CELSR3: variants seen among roughly 807,000 people sequenced by gnomAD.
CELSR3 encodes the protein cadherin EGF LAG seven-pass G-type receptor 3.
CELSR3 carries 73 observed loss-of-function variants against 270.0 expected under a neutral mutation model. That is an observed-to-expected ratio of 0.27 (90% CI 0.22 to 0.33). The LOEUF is 0.33. Among genes scored for constraint, CELSR3 ranks in the 10% least tolerant of loss-of-function variants. CELSR3 has a pLI of 1.00. For synonymous variants in CELSR3, 1,780 were observed against 1,905.4 expected (o/e 0.93, Z 1.71); for missense variants, 3,614 against 4,533.8 (o/e 0.80, Z 5.83).
chr3:48,662,231 C>T lies in CELSR3; in HGVS notation c.404G>A (p.Trp135Ter). The change falls in exon 1 of 35, where the codon TGG (tryptophan) becomes TAG (stop). Residue 135 changes from tryptophan to a stop codon, truncating the protein, a stop_gained. Transcript: ENST00000164024. LOFTEE classifies it high-confidence loss of function. This position sits in a 1 kb window ranked among gnomAD's most constrained non-coding sequence, Gnocchi z 7.1. ...CCCGCAAGAGGAGACCTCTGGGCGCCAGTATAACACAGACCCTGGTCCCTG... is the reference window on the plus strand; with the variant it reads ...CCCGCAAGAGGAGACCTCTGGGCGCTAGTATAACACAGACCCTGGTCCCTG... ...TGQGPGSVLY[W>*]RPEVSSCGRT... The T allele has an allele frequency of 1.2e-6, 2 of 1,613,154 alleles. No individual in the cohort carries two copies. Among genetic ancestry groups the T allele is most frequent in the Non-Finnish European group, 1.7e-6 (2 of 1,179,994 alleles).
In CELSR3 at chr3:48,660,932, G is replaced by C. The variant is rs1184585163; in HGVS notation, c.1703C>G (p.Thr568Arg). The change falls in exon 1 of 35, where the codon ACG becomes AGG. Residue 568 changes from threonine to arginine, a missense_variant. Transcript: ENST00000164024. This position sits in a 1 kb window ranked among gnomAD's most constrained non-coding sequence, Gnocchi z 5.5. ...VRPHTVVLRV[T>R]ATDRDKDANG... ...GGCGTCCTTGTCCCGGTCAGTGGCC[G>C]TGACGCGCAGCACGACTGTGTGGGG... The C allele has an allele frequency of 6.2e-7, 1 of 1,613,784 alleles. No individual in the cohort carries two copies. Among genetic ancestry groups the C allele is most frequent in the African/African-American group, 1.3e-5 (1 of 74,956 alleles).
Position 48,640,487 on chromosome 3 carries a change from C to A in CELSR3, c.9098G>T (p.Arg3033Leu), listed in dbSNP as rs201004738. The A allele has an allele frequency of 1.2e-6, 2 of 1,611,818 alleles. No individual in the cohort carries two copies. Among genetic ancestry groups the A allele is most frequent in the Non-Finnish European group, 1.7e-6 (2 of 1,179,748 alleles). ...TRGAPELSWC[R>L]AATLGHRAVP... is the part of the protein sequence containing the mutation. ...AGCACGGTGGCCCAAGGTGGCTGCA[C>A]GGCACCAGGACAGCTCAGGGGCACC... The change falls in exon 34 of 35, where the codon CGT becomes CTT. Residue 3033 changes from arginine (R) to leucine (L), a missense_variant. Around this residue, in one of 7 missense-constraint regions of CELSR3, gnomAD observed 1,240 missense variants for 1,351.7 expected, o/e 0.92. Transcript: ENST00000164024. This position sits in a 1 kb window ranked among gnomAD's most constrained non-coding sequence, Gnocchi z 7.5.
rs769742462 is a variant in CELSR3, at chr3:48,647,957, C to T, written c.7013G>A (p.Arg2338Gln). Residue 2338 changes from arginine (R) to glutamine (Q), a missense_variant, in exon 20 of 35, where the codon CGG becomes CAG. Physicochemically the swap from Arg to Gln is conservative, Grantham distance 43. This residue lies in a region of CELSR3 where 1,240 missense variants were observed against 1,351.7 expected (regional missense o/e 0.92). Coordinates refer to ENST00000164024, the MANE Select transcript of CELSR3 (RefSeq NM_001407.3). ...GTAGCGAGGGTAGCGACGGGCCCCC[C>T]GGGGAGAACTGGGGTGCTCCATGCG... is the stretch of plus-strand genomic sequence containing the variant. ...IDRMEHPSSPRGARRYPRYHS... is the reference protein window; with the variant it reads ...IDRMEHPSSPQGARRYPRYHS... The T allele has an allele frequency of 4.3e-6, 7 of 1,611,958 alleles. No individual in the cohort carries two copies. The highest frequency in any genetic ancestry group is 2.2e-5 in the East Asian group (1 of 44,854).
chr3:48,648,754 C>G lies in CELSR3; in HGVS notation c.6742G>C (p.Gly2248Arg). 2 of 1,612,638 alleles carry G rather than the reference C, an allele frequency of 1.2e-6. No homozygotes were observed. Among genetic ancestry groups the G allele is most frequent in the Non-Finnish European group, 1.7e-6 (2 of 1,179,956 alleles). Residue 2248 changes from glycine to arginine, a missense_variant, in exon 18 of 35, where the codon GGG (glycine) becomes CGG (arginine). By Grantham distance (125) the Gly-to-Arg change is moderately radical (BLOSUM62 -2). Transcript: ENST00000164024. ...TGGGCATCCTGTGTGGCTGTCAGCC[C>G]GAAGCCCTGCTGATGGCTCTCGAAG... ...LAFESHQQGF[G>R]LTATQDAHFN...
chr3:48,658,779 G>A lies in CELSR3; in HGVS notation c.3748+108C>T, dbSNP rs1455669659. The A allele has an allele frequency of 7.2e-7, 1 of 1,382,422 alleles. No homozygotes were observed. The highest frequency in any genetic ancestry group is 2.3e-5 in the East Asian group (1 of 43,176). The allele number at this position is 1,382,422 out of a possible 1,614,324, so 85.6% of individuals were successfully genotyped here. On this transcript the variant is annotated intron_variant, in intron 1 of 34. Coordinates refer to ENST00000164024, the MANE Select transcript of CELSR3 (RefSeq NM_001407.3). The surrounding 1 kb of genome is among the most constrained non-coding windows in gnomAD (Gnocchi z 4.7). ...GGTGCAGGAACCCTACCCTTAAGGG[G>A]TTCTTGGAAGGCTTAGAAATCCCTC...
chr3:48,653,641 G>T lies in CELSR3; in HGVS notation c.5426C>A (p.Pro1809Gln). ...QGVLMQVQAGPHSTLLCQLDR... is the reference protein window; with the variant it reads ...QGVLMQVQAGQHSTLLCQLDR... ...CACCTGGCAAAGGAGCGTGCTGTGTGGCCCAGCCTGCACTTGCATCAGGAC... is the reference window on the plus strand; with the variant it reads ...CACCTGGCAAAGGAGCGTGCTGTGTTGCCCAGCCTGCACTTGCATCAGGAC... The change falls in exon 9 of 35, where the codon CCA becomes CAA. Residue 1809 changes from proline (P) to glutamine (Q), a missense_variant. Pro to Gln is a moderately conservative substitution (Grantham distance 76). Transcript: ENST00000164024. The surrounding 1 kb of genome is among the most constrained non-coding windows in gnomAD (Gnocchi z 6.5). The T allele has an allele frequency of 6.2e-7, 1 of 1,614,110 alleles. No individual in the cohort carries two copies.
Position 48,654,214 on chromosome 3 carries a change from G to A in CELSR3, c.5152+75C>T. On this transcript the variant is annotated intron_variant, in intron 7 of 34. Coordinates refer to ENST00000164024, the MANE Select transcript of CELSR3 (RefSeq NM_001407.3). This position sits in a 1 kb window ranked among gnomAD's most constrained non-coding sequence, Gnocchi z 5.4. ...ACCAAAGGAGACTGGCTTGAAGTCA[G>A]GTATGGAGTCCTCCACTTCCTCCCT... 4.4e-6 allele frequency: 7 copies of A among 1,588,898 alleles called. No individual in the cohort carries two copies. The highest frequency in any genetic ancestry group is 6.0e-6 in the Non-Finnish European group (7 of 1,163,778).
At position 48,644,346 on chromosome 3, in the gene CELSR3, GA is replaced by G; in HGVS notation, c.8086-52del. 1.3e-6 allele frequency: 2 copies of G among 1,546,390 alleles called. No homozygotes were observed. The highest frequency in any genetic ancestry group is 2.2e-5 in the East Asian group (1 of 44,504). ...GCCGGGCAGGGCAGAGAGAGAGAGA[GA>G]GAGAGAGGCAATGAGAGACAGAGAG... On this transcript the variant is annotated intron_variant, in intron 26 of 34. Coordinates refer to ENST00000164024, the MANE Select transcript of CELSR3 (RefSeq NM_001407.3). This position sits in a 1 kb window ranked among gnomAD's most constrained non-coding sequence, Gnocchi z 4.8.
Position 48,662,674 on chromosome 3 carries a change from G to A in CELSR3, c.-40C>T. Reference sequence around the variant, plus strand: ...CACGGCCTCCACCGCCCCCCGCCCCGGTCCGGGCCTTGGGCTGGCCCCGCC... The same window carrying A: ...CACGGCCTCCACCGCCCCCCGCCCCAGTCCGGGCCTTGGGCTGGCCCCGCC... On this transcript the variant is annotated 5_prime_UTR_variant, in exon 1 of 35. Transcript: ENST00000164024. This position sits in a 1 kb window ranked among gnomAD's most constrained non-coding sequence, Gnocchi z 7.1. 1 of 854,288 alleles carries A rather than the reference G, an allele frequency of 1.2e-6. No homozygotes were observed. Among genetic ancestry groups the A allele is most frequent in the South Asian group, 2.9e-5 (1 of 34,328 alleles). The allele number at this position is 854,288 out of a possible 1,614,324, so 52.9% of individuals were successfully genotyped here.
rs1387764047 is a variant in CELSR3, at chr3:48,639,952, G to A, written c.9633C>T (p.His3211=). Reference sequence around the variant, plus strand: ...GTGGCCCAAGGGCTTCTCGTGAGGGGTGCCGGCTAGGCACCTGGTCCAGCT... The same window carrying A: ...GTGGCCCAAGGGCTTCTCGTGAGGGATGCCGGCTAGGCACCTGGTCCAGCT... ...REQLDQVPSR[H]PSREALGPLP... Residue 3211 remains histidine (H), a synonymous_variant, in exon 34 of 35, where the codon CAC becomes CAT. Coordinates refer to ENST00000164024, the MANE Select transcript of CELSR3 (RefSeq NM_001407.3). This position sits in a 1 kb window ranked among gnomAD's most constrained non-coding sequence, Gnocchi z 4.1. The A allele has an allele frequency of 1.9e-6, 3 of 1,612,894 alleles. No individual in the cohort carries two copies. Among genetic ancestry groups the A allele is most frequent in the East Asian group, 4.5e-5 (2 of 44,884 alleles).
rs746248837 is a variant in CELSR3, at chr3:48,644,344, G to T, written c.8086-49C>A. ...GGGCCGGGCAGGGCAGAGAGAGAGA[G>T]AGAGAGAGAGGCAATGAGAGACAGA... On this transcript the variant is annotated intron_variant, in intron 26 of 34. Coordinates refer to ENST00000164024, the MANE Select transcript of CELSR3 (RefSeq NM_001407.3). This position sits in a 1 kb window ranked among gnomAD's most constrained non-coding sequence, Gnocchi z 4.8. 6.4e-7 allele frequency: 1 copy of T among 1,550,808 alleles called. No homozygotes were observed. The highest frequency in any genetic ancestry group is 1.1e-5 in the South Asian group (1 of 89,660).
chr3:48,636,702 G>A lies in CELSR3; in HGVS notation c.*1503C>T, dbSNP rs1575535655. On this transcript the variant is annotated 3_prime_UTR_variant, in exon 35 of 35. Coordinates refer to ENST00000164024, the MANE Select transcript of CELSR3 (RefSeq NM_001407.3). ...CTGGTGGGATTTAGCTCCAGTCAGG[G>A]AAGTAGAATTTCTAATCTCCCAGGA... 6.6e-6 allele frequency: 1 copy of A among 152,230 alleles called. No individual in the cohort carries two copies. The highest frequency in any genetic ancestry group is 2.1e-4 in the South Asian group (1 of 4,822). 9.4% of individuals were successfully genotyped at this position (152,230 alleles called of 1,614,324 possible). A position where few individuals can be genotyped will look rare whatever the true frequency, so the allele number is the denominator to read the frequency against.
In CELSR3 at chr3:48,646,048, A is replaced by G. The variant is rs755007829; in HGVS notation, c.7463+42T>C. 6.2e-7 allele frequency: 1 copy of G among 1,605,622 alleles called. No homozygotes were observed. The highest frequency in any genetic ancestry group is 8.5e-7 in the Non-Finnish European group (1 of 1,175,346). On this transcript the variant is annotated intron_variant, in intron 22 of 34. Transcript: ENST00000164024. This position sits in a 1 kb window ranked among gnomAD's most constrained non-coding sequence, Gnocchi z 4.8. The stretch of plus-strand genomic sequence containing the variant: ...GCTGGGACTATTAGTTGGCCTCCCA[A>G]GGGCTAACGGGACCAAGGGTTTCCA...
At position 48,660,677 on chromosome 3, in the gene CELSR3, C is replaced by A. The variant is rs776199066; in HGVS notation, c.1958G>T (p.Ser653Ile). ...DINDHIPIFVSTPFQVSVLEN... is the reference protein window; with the variant it reads ...DINDHIPIFVITPFQVSVLEN... ...CAAGACAGAAACTTGGAAGGGCGTG[C>A]TGACAAAAATAGGAATGTGGTCATT... is the stretch of plus-strand genomic sequence containing the variant. The change falls in exon 1 of 35, where the codon AGC (serine) becomes ATC (isoleucine). Residue 653 changes from serine to isoleucine, a missense_variant. Transcript: ENST00000164024. The surrounding 1 kb of genome is among the most constrained non-coding windows in gnomAD (Gnocchi z 5.5). The A allele has an allele frequency of 6.2e-7, 1 of 1,614,112 alleles. No homozygotes were observed. The highest frequency in any genetic ancestry group is 2.2e-5 in the East Asian group (1 of 44,890).
In CELSR3 at chr3:48,641,537, G is replaced by A. The variant is rs561895090; in HGVS notation, c.8825-13C>T. 4.4e-6 allele frequency: 7 copies of A among 1,604,062 alleles called. No individual in the cohort carries two copies. In the Admixed American group the frequency reaches 1.2e-4, roughly 27 times the overall value. On this transcript the variant is annotated splice_polypyrimidine_tract_variant and intron_variant, in intron 32 of 34. Coordinates refer to ENST00000164024, the MANE Select transcript of CELSR3 (RefSeq NM_001407.3). The surrounding 1 kb of genome is among the most constrained non-coding windows in gnomAD (Gnocchi z 4.8). ...TTGCCATCCACATCTGTGGAGCCAG[G>A]TCAGGTTACAGGAGCTTCTGGGTTG...
Position 48,657,125 on chromosome 3 carries a change from G to T in CELSR3, c.3972C>A (p.Thr1324=), listed in dbSNP as rs1485241696. ...GCGCCGAGAAACTCACATTGAGCACGGTGCCCCCTACGTCTGTGTCGTTCT... is the reference window on the plus strand; with the variant it reads ...GCGCCGAGAAACTCACATTGAGCACTGTGCCCCCTACGTCTGTGTCGTTCT... ...NIQNDTDVGG[T]VLNVSFSALA... Residue 1324 remains threonine, a synonymous_variant, in exon 2 of 35, where the codon ACC becomes ACA. Transcript: ENST00000164024. The surrounding 1 kb of genome is among the most constrained non-coding windows in gnomAD (Gnocchi z 5.4). 6.2e-7 allele frequency: 1 copy of T among 1,613,964 alleles called. No individual in the cohort carries two copies. Among genetic ancestry groups the T allele is most frequent in the African/African-American group, 1.3e-5 (1 of 75,034 alleles).
chr3:48,661,388 G>C lies in CELSR3; in HGVS notation c.1247C>G (p.Thr416Ser). 6.2e-7 allele frequency: 1 copy of C among 1,612,584 alleles called. No individual in the cohort carries two copies. The highest frequency in any genetic ancestry group is 8.5e-7 in the Non-Finnish European group (1 of 1,179,796). Residue 416 changes from threonine to serine, a missense_variant, in exon 1 of 35, where the codon ACC becomes AGC. By Grantham distance (58) the Thr-to-Ser change is moderately conservative. Around this residue, in one of 7 missense-constraint regions of CELSR3, gnomAD observed 354 missense variants for 500.9 expected, o/e 0.71. Transcript: ENST00000164024. ...QDHGSPRLSA[T>S]TMVAVTVADR... ...GGCTACTGTCACGGCCACCATCGTG[G>C]TGGCCGAGAGGCGCGGCGACCCGTG... is the stretch of plus-strand genomic sequence containing the variant.
chr3:48,644,389 A>G lies in CELSR3; in HGVS notation c.8086-94T>C, dbSNP rs2106701757. On this transcript the variant is annotated intron_variant, in intron 26 of 34. Coordinates refer to ENST00000164024, the MANE Select transcript of CELSR3 (RefSeq NM_001407.3). This position sits in a 1 kb window ranked among gnomAD's most constrained non-coding sequence, Gnocchi z 4.8. ...GACAGAGAGAGACTAAGATTCACGG[A>G]GAGAGGCAGAACCAGTGAGAAATTC... is the stretch of plus-strand genomic sequence containing the variant. 8.4e-7 allele frequency: 1 copy of G among 1,195,496 alleles called. No individual in the cohort carries two copies. The highest frequency in any genetic ancestry group is 2.4e-5 in the East Asian group (1 of 41,854). 74.1% of individuals were successfully genotyped at this position (1,195,496 alleles called of 1,614,324 possible).
In CELSR3 at chr3:48,662,521, C is replaced by T. The variant is rs750566170; in HGVS notation, c.114G>A (p.Gly38=). 1 of 1,608,018 alleles carries T rather than the reference C, an allele frequency of 6.2e-7. No homozygotes were observed. Among genetic ancestry groups the T allele is most frequent in the Non-Finnish European group, 8.5e-7 (1 of 1,177,142 alleles). The part of the protein sequence containing the change: ...PLSQEELGGG[G]HQGWDPGLAA... ...CTAAGCCTGGGTCCCAGCCCTGGTG[C>T]CCACCGCCCCCCAGCTCCTCCTGGC... Residue 38 remains glycine, a synonymous_variant, in exon 1 of 35, where the codon GGG becomes GGA. Transcript: ENST00000164024. The surrounding 1 kb of genome is among the most constrained non-coding windows in gnomAD (Gnocchi z 7.1).
Sources: allele counts gnomAD v4.1 joint callset, GRCh38; gene constraint gnomAD v4.1.1; regional missense constraint gnomAD v4.1.1; non-coding constraint Gnocchi (gnomAD v3.1); transcripts MANE v1.5; gene names NCBI Gene and HGNC (gene_info 2026-07-23, HGNC 2026-07-21).